SMARCC1: variants seen among roughly 807,000 people sequenced by gnomAD.
SMARCC1 encodes SWI/SNF complex subunit SMARCC1.
In SMARCC1, 43 loss-of-function variants were observed where a neutral mutation model predicts 147.4. The ratio of observed to expected loss-of-function variants is 0.29; its 90% CI spans 0.23 to 0.38. The LOEUF (loss-of-function observed/expected upper bound fraction) is 0.38, where lower values mean the gene tolerates loss of function less well. Among genes scored for constraint, SMARCC1 ranks in the 10% least tolerant of loss-of-function variants. The probability of loss-of-function intolerance (pLI) is 1.00; values close to 1 mark genes in which losing one functional copy is unlikely to be tolerated. For synonymous variants in SMARCC1, 495 were observed against 484.4 expected, an observed-to-expected ratio of 1.02 and a Z score of -0.29; for missense variants, 1,119 against 1,381.1, an observed-to-expected ratio of 0.81 and a Z score of 3.01.
intron 11 of SMARCC1, among the ~76,000 whole-genome samples, chr3:47,697,271 C>T (rs1293655362): frequency 1.3e-5 from 2 of 151,414 alleles, no homozygotes; most frequent in African/African-American, 4.9e-5. Flanking sequence ...CCAATGCACT[C>T]CAGCCTGGGC....
intron 1 of SMARCC1, among the ~76,000 whole-genome samples, chr3:47,773,157 C>T (rs746294118): frequency 2.0e-5 from 3 of 151,702 alleles, no homozygotes; most frequent in Non-Finnish European, 2.9e-5. Flanking sequence ...GACGGAGCTT[C>T]GGTCTTGTCA....
At chr3:47,768,909 T>TA (rs1454885127) in intron 2 of SMARCC1, among the ~76,000 whole-genome samples, 1 of 152,064 alleles carries the variant, frequency 6.6e-6, no homozygotes, top group Non-Finnish European at 1.5e-5. Flanking sequence ...ATTTTTGTTA[T>TA]AAAAAACATC....
chr3:47,710,551 T>A, intron 9 of SMARCC1, 132 bp downstream of exon 9: 1 of 837,640 alleles, frequency 1.2e-6, no homozygotes, highest in South Asian at 2.0e-5. Context: ...TTTCACCTGA[T>A]GGCACATCAG....
chr3:47,764,039 AAG>A, intron 2 of SMARCC1, among the ~76,000 whole-genome samples: 1 of 152,010 alleles, frequency 6.6e-6, no homozygotes, highest in South Asian at 2.1e-4. Flanking sequence ...GGAAAAAAAA[AAG>A]AGAAAGAGAT....
intron 16 of SMARCC1, among the ~76,000 whole-genome samples, 178 bp from the exon 17 acceptor site, chr3:47,676,960 AC>A (rs1301057267): frequency 6.6e-6 from 1 of 152,214 alleles, no homozygotes; most frequent in Non-Finnish European, 1.5e-5. Context: ...TCTACAAGCC[AC>A]AAGTAATGTT....
chr3:47,725,032 CAAAAAAA>C (rs35548192), intron 6 of SMARCC1, among the ~76,000 whole-genome samples: 237 of 31,650 alleles, frequency 7.5e-3, no homozygotes, highest in Non-Finnish European at 0.011. Flanking sequence ...ACTGTCTCCA[CAAAAAAA>C]AAAAAAAAAA....
At chr3:47,642,105 TCTC>T (rs1431327716) in intron 21 of SMARCC1, among the ~76,000 whole-genome samples, 3 of 151,968 alleles carry the variant, frequency 2.0e-5, no homozygotes, top group Non-Finnish European at 2.9e-5. Flanking sequence ...ATCAAGGACT[TCTC>T]CTCTTCATTA....
At chr3:47,775,572 G>A (rs925577923) in intron 1 of SMARCC1, among the ~76,000 whole-genome samples, 4 of 150,548 alleles carry the variant, frequency 2.7e-5, no homozygotes, top group African/African-American at 9.7e-5. Context: ...AGGAGATCAA[G>A]ACCAACCTGA....
At chr3:47,671,185 A>ACAAACAAAC (rs1472517403) in intron 18 of SMARCC1, among the ~76,000 whole-genome samples, 5 of 142,902 alleles carry the variant, frequency 3.5e-5, no homozygotes, top group African/African-American at 1.4e-4. Flanking sequence ...AAAAAAAAAA[A>ACAAACAAAC]AAAAAAAAAA....
At chr3:47,608,365 G>C (rs1379934959) in intron 26 of SMARCC1, among the ~76,000 whole-genome samples, 1 of 152,192 alleles carries the variant, frequency 6.6e-6, no homozygotes, top group Non-Finnish European at 1.5e-5. Context: ...GGAATTACAG[G>C]CATGAACCAT....
intron 25 of SMARCC1, 86 bp from the exon 26 acceptor site, chr3:47,610,413 A>C: frequency 7.2e-7 from 1 of 1,398,576 alleles, no homozygotes; most frequent in Non-Finnish European, 1.0e-6. Context: ...ATAATGCCTG[A>C]ATTACCTCTA....
At chr3:47,595,015 T>A (rs995101242) in intron 26 of SMARCC1, among the ~76,000 whole-genome samples, 2 of 152,174 alleles carry the variant, frequency 1.3e-5, no homozygotes, top group African/African-American at 4.8e-5. Context: ...AAGCACCGTT[T>A]GCAACATTTT....
In SMARCC1 at chr3:47,588,036, C is replaced by T. The variant is rs2032101857; in HGVS notation, c.*173G>A. 1.0e-5 allele frequency: 6 copies of T among 592,776 alleles called. No individual in the cohort carries two copies. In the East Asian group the frequency reaches 1.5e-4, roughly 14 times the overall value. The allele number at this position is 592,776 out of a possible 1,614,324, so 36.7% of individuals were successfully genotyped here. ...TTGAGTGTTGGCTGAGGACCCAACA[C>T]AAAAAGTGTCAGAGAGAGGGGTGGT... On this transcript the variant is annotated 3_prime_UTR_variant, in exon 28 of 28. Transcript: ENST00000254480.
chr3:47,761,627 T>G (rs2034774980), intron 2 of SMARCC1, among the ~76,000 whole-genome samples: 1 of 152,150 alleles, frequency 6.6e-6, no homozygotes, highest in Non-Finnish European at 1.5e-5. Context: ...TTCTTTCACG[T>G]AAGTCCATCC....
intron 27 of SMARCC1, 48 bp from the exon 28 acceptor site, chr3:47,588,354 A>C (rs747543781): frequency 6.4e-7 from 1 of 1,557,826 alleles, no homozygotes; most frequent in Non-Finnish European, 8.8e-7. Context: ...AATACAAGAG[A>C]CTCAGGAAAG....
chr3:47,720,862 G>T, intron 6 of SMARCC1, 127 bp from the exon 7 acceptor site: 2 of 754,386 alleles, frequency 2.7e-6, no homozygotes, highest in South Asian at 1.6e-5. Flanking sequence ...ACATGCTGTT[G>T]CTGGTTTGGA....
chr3:47,671,191 AAAAAAAAC>A (rs1456277327), intron 18 of SMARCC1, among the ~76,000 whole-genome samples: 2 of 147,546 alleles, frequency 1.4e-5, no homozygotes, highest in African/African-American at 5.0e-5. Flanking sequence ...AAAAAAAAAA[AAAAAAAAC>A]ACACACAAAA....
intron 1 of SMARCC1, 89 bp from the exon 2 acceptor site, chr3:47,773,025 C>T (rs929941667): frequency 1.2e-5 from 14 of 1,169,894 alleles, no homozygotes; most frequent in East Asian, 2.5e-5. Context: ...TAAGTACTTA[C>T]GTTATGGGAA....
intron 21 of SMARCC1, among the ~76,000 whole-genome samples, chr3:47,642,421 C>T (rs928872021): frequency 2.6e-5 from 4 of 152,152 alleles, no homozygotes; most frequent in African/African-American, 7.2e-5. Flanking sequence ...GAAACCCCGT[C>T]TCTACTAAAA....
Sources: allele counts gnomAD v4.1 joint callset (sites outside exome capture counted in the v4.1 genomes callset), GRCh38; gene constraint gnomAD v4.1.1; transcripts MANE v1.5; gene names NCBI Gene and HGNC (gene_info 2026-07-23, HGNC 2026-07-21).